LRBA: variants seen among roughly 807,000 people sequenced by gnomAD.
The protein encoded by LRBA is lipopolysaccharide-responsive and beige-like anchor protein.
In LRBA, 176 loss-of-function variants were observed where a neutral mutation model predicts 330.0. That is an observed-to-expected ratio of 0.53 (90% CI 0.47 to 0.60). The LOEUF (loss-of-function observed/expected upper bound fraction) is 0.60. Ranked by LOEUF, LRBA falls within the 20% of genes least tolerant of loss-of-function variation. LRBA has a pLI of 0.00. For missense variants in LRBA, 3,259 were observed against 3,444.8 expected (o/e 0.95, Z 1.35); for synonymous variants, 1,230 against 1,193.0 (o/e 1.03, Z -0.64).
In LRBA at chr4:150,828,465, C is replaced by T; in HGVS notation, c.4886G>A (p.Gly1629Asp). Residue 1629 changes from glycine (G) to aspartate (D), a missense_variant, in exon 30 of 57, where the codon GGT (glycine) becomes GAT (aspartate). Coordinates refer to ENST00000651943, the MANE Select transcript of LRBA (RefSeq NM_001364905.1). ...GATTGCATCTGGGCCTGCACTGACA[C>T]CAGGAGGTGCTGTGTGAGGAGTTAC... The part of the protein sequence containing the change: ...VEVTPHTAPP[G>D]VSAGPDAISE... The T allele has an allele frequency of 3.1e-6, 5 of 1,614,118 alleles. No homozygotes were observed. Among genetic ancestry groups the T allele is most frequent in the Non-Finnish European group, 4.2e-6 (5 of 1,179,998 alleles).
intron 22 of LRBA, among the ~76,000 whole-genome samples, chr4:150,860,769 A>C (rs935321447): frequency 6.6e-6 from 1 of 152,106 alleles, no homozygotes; most frequent in Non-Finnish European, 1.5e-5. Flanking sequence ...CAGAGCTTGC[A>C]GTGAGCCAAG....
rs1475968016 is a variant in LRBA at position 150,265,083 on chromosome 4, C to CTAT, written c.*636_*638dup. The CTAT allele has an allele frequency of 1.3e-5, 2 of 152,694 alleles. No individual in the cohort carries two copies. Among genetic ancestry groups the CTAT allele is most frequent in the African/African-American group, 4.8e-5 (2 of 41,454 alleles). 9.5% of individuals were successfully genotyped at this position (152,694 alleles called of 1,614,324 possible). A position where few individuals can be genotyped will look rare whatever the true frequency, so the allele number is the denominator to read the frequency against. On this transcript the variant is annotated 3_prime_UTR_variant, in exon 57 of 57. Transcript: ENST00000651943. The stretch of plus-strand genomic sequence containing the variant: ...ATGACAGATCAGGAAAAAATGGTAA[C>CTAT]TATTTCACACTTGCTATAAATTAGA...
At chr4:150,359,894 C>T (rs1018891841) in intron 47 of LRBA, among the ~76,000 whole-genome samples, 2 of 151,750 alleles carry the variant, frequency 1.3e-5, no homozygotes, top group Non-Finnish European at 2.9e-5. Context: ...GCAGGAGAAT[C>T]TCTTGAATCC....
chr4:150,341,071 T>C (rs957477212), intron 48 of LRBA, among the ~76,000 whole-genome samples: 3 of 152,188 alleles, frequency 2.0e-5, no homozygotes, highest in East Asian at 1.9e-4. Flanking sequence ...CCTGGTCTAC[T>C]AGCGTTAGTC....
chr4:150,534,429 A>C (rs1314835113), intron 40 of LRBA, among the ~76,000 whole-genome samples: 1 of 151,210 alleles, frequency 6.6e-6, no homozygotes, highest in Non-Finnish European at 1.5e-5. Context: ...CCTAATATAC[A>C]AAGCTACCCT....
chr4:150,850,968 A>G, intron 23 of LRBA, 66 bp from the exon 24 acceptor site: 2 of 1,145,598 alleles, frequency 1.7e-6, no homozygotes, highest in Non-Finnish European at 2.5e-6. Flanking sequence ...AGCAAAGTAA[A>G]TAATTTAGTA....
intron 2 of LRBA, among the ~76,000 whole-genome samples, chr4:150,964,098 C>T (rs528102715): frequency 6.1e-5 from 9 of 148,128 alleles, no homozygotes; most frequent in African/African-American, 7.9e-5. Flanking sequence ...GGAGCGTCTC[C>T]GCCCGGCAGC....
At chr4:150,658,301 G>C (rs1780419250) in intron 37 of LRBA, among the ~76,000 whole-genome samples, 1 of 150,252 alleles carries the variant, frequency 6.7e-6, no homozygotes, top group Non-Finnish European at 1.5e-5. Flanking sequence ...TTCTATCTCT[G>C]GACTGTTCTT....
chr4:150,867,766 A>G lies in LRBA; in HGVS notation c.2671T>C (p.Tyr891His), dbSNP rs757344529. 1.1e-5 allele frequency: 18 copies of G among 1,613,670 alleles called. No individual in the cohort carries two copies. The African/African-American group carries it at 2.0e-4, about 18-fold the overall frequency. Residue 891 changes from tyrosine (Y) to histidine (H), a missense_variant, in exon 22 of 57, where the codon TAC (tyrosine) becomes CAC (histidine). Transcript: ENST00000651943. ...TAAAGCAGGATTCTGAATATGGCGT[A>G]TACCATTTCTGTTATCTTTTGCTCA... ...SDEQKITEMVYAIFRILLYHA... is the reference protein window; with the variant it reads ...SDEQKITEMVHAIFRILLYHA...
At chr4:150,642,518 T>C (rs1778779228) in intron 37 of LRBA, among the ~76,000 whole-genome samples, 1 of 151,800 alleles carries the variant, frequency 6.6e-6, no homozygotes, top group African/African-American at 2.4e-5. Flanking sequence ...GGAAAATATA[T>C]TAATAGGAAA....
intron 2 of LRBA, among the ~76,000 whole-genome samples, chr4:150,964,062 C>T (rs1738562752): frequency 1.4e-5 from 2 of 147,818 alleles, no homozygotes; most frequent in Admixed American, 6.6e-5. Context: ...CCCCTCCGCC[C>T]GGCAGCCTCC....
chr4:150,966,528 A>G (rs1310966982), intron 2 of LRBA, among the ~76,000 whole-genome samples: 3 of 133,306 alleles, frequency 2.3e-5, no homozygotes, highest in Non-Finnish European at 1.5e-5. Context: ...GGGTTTCACC[A>G]TGTTAGCCAG....
chr4:150,741,905 T>C (rs889988823), intron 35 of LRBA, among the ~76,000 whole-genome samples: 3 of 152,052 alleles, frequency 2.0e-5, no homozygotes, highest in African/African-American at 7.2e-5. Context: ...GGAACACTGA[T>C]AATGGCCACG....
intron 2 of LRBA, among the ~76,000 whole-genome samples, chr4:150,942,954 G>T (rs1418511820): frequency 6.6e-6 from 1 of 151,960 alleles, no homozygotes; most frequent in East Asian, 1.9e-4. Context: ...CAAAGTATAT[G>T]TTACTGAAAA....
At chr4:150,586,515 T>C (rs1420835395) in intron 40 of LRBA, among the ~76,000 whole-genome samples, 2 of 152,146 alleles carry the variant, frequency 1.3e-5, no homozygotes, top group Non-Finnish European at 2.9e-5. Context: ...ACTGAAAAAT[T>C]GTTTTTAATA....
chr4:150,594,681 A>G (rs954545841), intron 38 of LRBA, among the ~76,000 whole-genome samples: 3 of 152,040 alleles, frequency 2.0e-5, no homozygotes, highest in Non-Finnish European at 2.9e-5. Flanking sequence ...TTAAACTGCA[A>G]TTGTTACATA....
chr4:150,610,144 G>A (rs542658933), intron 37 of LRBA, among the ~76,000 whole-genome samples: 24 of 152,238 alleles, frequency 1.6e-4, no homozygotes, highest in African/African-American at 5.5e-4. Context: ...ACAGAAGAAA[G>A]CTGACAAAGG....
chr4:150,790,493 G>C (rs912904276), intron 34 of LRBA, among the ~76,000 whole-genome samples: 1 of 151,990 alleles, frequency 6.6e-6, no homozygotes, highest in African/African-American at 2.4e-5. Flanking sequence ...GATTTATTTT[G>C]TATTAATGTT....
chr4:150,478,576 G>C (rs1756964801), intron 42 of LRBA, among the ~76,000 whole-genome samples: 1 of 152,234 alleles, frequency 6.6e-6, no homozygotes. Flanking sequence ...ATATCATCCA[G>C]ATGTCTTCAA....
Sources: allele counts gnomAD v4.1 joint callset (sites outside exome capture counted in the v4.1 genomes callset), GRCh38; gene constraint gnomAD v4.1.1; transcripts MANE v1.5; gene names NCBI Gene and HGNC (gene_info 2026-07-23, HGNC 2026-07-21).